The following SPATA7 variants were observed in gnomAD, a reference collection of about 807,000 sequenced individuals.
SPATA7 encodes spermatogenesis associated 7.
SPATA7 carries 43 observed loss-of-function variants against 51.8 expected under a neutral mutation model. The ratio of observed to expected loss-of-function variants is 0.83; its 90% CI spans 0.65 to 1.07. SPATA7 has a LOEUF of 1.07. Among genes scored for constraint, SPATA7 ranks in the 50% least tolerant of loss-of-function variants. SPATA7 has a pLI of 0.00. For synonymous variants in SPATA7, 230 were observed against 252.8 expected, an observed-to-expected ratio of 0.91 and a Z score of 0.86; for missense variants, 683 against 701.3, an observed-to-expected ratio of 0.97 and a Z score of 0.30.
intron 4 of SPATA7, among the ~76,000 whole-genome samples, chr14:88,405,953 C>G (rs2076188957): frequency 6.6e-6 from 1 of 152,170 alleles, no homozygotes; most frequent in African/African-American, 2.4e-5. Flanking sequence ...TCAATTAAGG[C>G]AGGAATTTTT....
chr14:88,426,368 A>G lies in SPATA7; in HGVS notation c.509A>G (p.Asn170Ser), dbSNP rs780454645. ...SLHKSSKVIT[N>S]GPEKNSSSSP... Reference sequence around the variant, plus strand: ...CATAAATCCAGTAAAGTCATCACAAATGGTCCTGAGAAGAACTCCAGTTCC... The same window carrying G: ...CATAAATCCAGTAAAGTCATCACAAGTGGTCCTGAGAAGAACTCCAGTTCC... Residue 170 changes from asparagine (N) to serine (S), a missense_variant, in exon 6 of 12, where the codon AAT (asparagine) becomes AGT (serine). Asn to Ser is a conservative substitution (Grantham distance 46, BLOSUM62 1). Transcript: ENST00000393545. 5.0e-6 allele frequency: 8 copies of G among 1,614,160 alleles called. No homozygotes were observed. Among genetic ancestry groups the G allele is most frequent in the South Asian group, 4.4e-5 (4 of 91,074 alleles).
downstream of SPATA7, among the ~76,000 whole-genome samples, chr14:88,458,792 T>C (rs1373040941): frequency 6.6e-6 from 1 of 152,194 alleles, no homozygotes. Context: ...CTTGCTTCTC[T>C]AGTTCTTTTA....
intron 3 of SPATA7, among the ~76,000 whole-genome samples, chr14:88,443,495 ATTATAC>A (rs2077191752): frequency 6.6e-6 from 1 of 151,852 alleles, no homozygotes; most frequent in Non-Finnish European, 1.5e-5. Context: ...ATTTATTATT[ATTATAC>A]TTTAAGTTTT....
At chr14:88,398,607 T>G (rs1490668099) in intron 4 of SPATA7, among the ~76,000 whole-genome samples, 1 of 146,846 alleles carries the variant, frequency 6.8e-6, no homozygotes, top group Non-Finnish European at 1.5e-5. Context: ...TGTGCACATG[T>G]ACCCTAAAAC....
In SPATA7 at chr14:88,467,797, T is replaced by C. The variant is rs187995500; in HGVS notation, c.255-2050T>C. 3 of 237,898 alleles carry C rather than the reference T, an allele frequency of 1.3e-5. No individual in the cohort carries two copies. In the Admixed American group the frequency reaches 1.7e-4, roughly 14 times the overall value. 14.7% of individuals were successfully genotyped at this position (237,898 alleles called of 1,614,324 possible). Reference sequence around the variant, plus strand: ...TAAGATAGAAATCTATGCACTTTAATGATTGCCAGAATTGCCCAGCATAGC... The same window carrying C: ...TAAGATAGAAATCTATGCACTTTAACGATTGCCAGAATTGCCCAGCATAGC... On this transcript the variant is annotated intron_variant, in intron 4 of 4. Transcript: ENST00000556406.
intron 10 of SPATA7, among the ~76,000 whole-genome samples, chr14:88,434,687 GAAAAAA>G (rs552414869): frequency 1.8e-5 from 1 of 56,966 alleles, no homozygotes; most frequent in African/African-American, 6.4e-5. Flanking sequence ...CTCTGTCTCA[GAAAAAA>G]AAAAAAAAAG....
intron 7 of SPATA7, chr14:88,428,281 C>G (rs1240021411): frequency 6.6e-6 from 1 of 152,046 alleles, no homozygotes; most frequent in African/African-American, 2.4e-5. Flanking sequence ...GAGTTTCAGT[C>G]TTGCACTTGT....
chr14:88,459,532 G>C (rs921364890), downstream of SPATA7, among the ~76,000 whole-genome samples: 1 of 152,130 alleles, frequency 6.6e-6, no homozygotes, highest in Non-Finnish European at 1.5e-5. Flanking sequence ...CAGAGACTAG[G>C]ATTGCAACCC....
Position 88,426,325 on chromosome 14 carries a change from A to C in SPATA7, c.466A>C (p.Arg156=), listed in dbSNP as rs138633682. 5 of 1,613,954 alleles carry C rather than the reference A, an allele frequency of 3.1e-6. No homozygotes were observed. The African/African-American group carries it at 4.0e-5, about 13-fold the overall frequency. The part of the protein sequence containing the change: ...FARSLVPSSE[R]LHLSLHKSSK... ...AAGGTCACTAGTACCCTCTTCAGAG[A>C]GACTACACCTAAGTCTACATAAATC... Residue 156 remains arginine (R), a synonymous_variant, in exon 6 of 12, where the codon AGA becomes CGA. Coordinates refer to ENST00000393545, the MANE Select transcript of SPATA7 (RefSeq NM_018418.5).
In SPATA7 at chr14:88,469,852, G is replaced by T. The variant is rs1396374394; in HGVS notation, c.261G>T (p.Arg87Ser). ...CCCTGCCTTTTTCTCCACAGGTCAG[G>T]ATTCCAGATGATTAACATTAACTGT... Residue 87 changes from arginine to serine, a missense_variant, in exon 5 of 5, where the codon AGG (arginine) becomes AGT (serine). Coordinates refer to the SPATA7 transcript ENST00000556406. The surrounding 1 kb of genome is among the most constrained non-coding windows in gnomAD (Gnocchi z 4.3). 6 of 1,608,098 alleles carry T rather than the reference G, an allele frequency of 3.7e-6. No individual in the cohort carries two copies. In the African/African-American group the frequency reaches 5.3e-5, roughly 14 times the overall value.
chr14:88,442,793 C>A (rs1472093157), downstream of SPATA7, among the ~76,000 whole-genome samples: 1 of 151,934 alleles, frequency 6.6e-6, no homozygotes, highest in African/African-American at 2.4e-5. Context: ...TTAGGGTGAT[C>A]ATGGCTTCAT....
chr14:88,437,590 T>G lies in SPATA7; in HGVS notation c.1208T>G (p.Leu403Trp). ...CGACATATAAAACAAAATAAACATT[T>G]GGAGGAGGTTTGTCTTTCCTTATAA... ...FERHIKQNKH[L>W]EEEKMRHLLH... The change falls in exon 11 of 12, where the codon TTG becomes TGG. Residue 403 changes from leucine (L) to tryptophan (W), a missense_variant. Physicochemically the swap from Leu to Trp is moderately conservative, Grantham distance 61. Transcript: ENST00000393545. 6.2e-7 allele frequency: 1 copy of G among 1,609,118 alleles called. No individual in the cohort carries two copies. Among genetic ancestry groups the G allele is most frequent in the Non-Finnish European group, 8.5e-7 (1 of 1,176,688 alleles).
At chr14:88,432,128 T>TTTAATAGTTC (rs1205178315) in intron 9 of SPATA7, among the ~76,000 whole-genome samples, 1 of 152,112 alleles carries the variant, frequency 6.6e-6, no homozygotes, top group Non-Finnish European at 1.5e-5. Flanking sequence ...AATGCAGACT[T>TTTAATAGTTC]TTAATAGTTC....
chr14:88,392,912 G>C lies in SPATA7; in HGVS notation c.95-481G>C, dbSNP rs7141112. ...ATAGTTTTAGTACTTCAAAAAGAAT[G>C]TAGTAAACTGGTATGTAGATCTTGT... On this transcript the variant is annotated intron_variant, in intron 2 of 11. Coordinates refer to ENST00000393545, the MANE Select transcript of SPATA7 (RefSeq NM_018418.5). 7.5e-3 allele frequency among the ~76,000 whole-genome samples: 1,135 copies of C among 152,002 alleles called. 15 individuals are homozygous for C. Among genetic ancestry groups the C allele is most frequent in the African/African-American group, 0.026 (1,082 of 41,330 alleles).
At chr14:88,447,453 A>G (rs184854397) in intron 3 of SPATA7, among the ~76,000 whole-genome samples, 2 of 151,972 alleles carry the variant, frequency 1.3e-5, no homozygotes, top group African/African-American at 2.4e-5. Context: ...GCCAGTCTGT[A>G]TATTTTAATT....
downstream of SPATA7, among the ~76,000 whole-genome samples, chr14:88,459,873 T>C (rs1003365005): frequency 1.3e-5 from 2 of 151,148 alleles, no homozygotes; most frequent in Admixed American, 6.6e-5. Flanking sequence ...TTTCCATGTT[T>C]ACTGCTTCTT....
downstream of SPATA7, among the ~76,000 whole-genome samples, chr14:88,458,379 T>C (rs2077298062): frequency 6.6e-6 from 1 of 152,204 alleles, no homozygotes; most frequent in Non-Finnish European, 1.5e-5. Flanking sequence ...TGGTAGGCTA[T>C]TAATTATTGC....
chr14:88,418,883 T>G lies in SPATA7; in HGVS notation c.372+2039T>G, dbSNP rs111702418. ...ATCTGTTTGTTACAGATTTCTAGCC[T>G]AATTGTACTGTGATTAGGAAACATC... On this transcript the variant is annotated intron_variant, in intron 5 of 11. Transcript: ENST00000393545. Among the ~76,000 whole-genome samples the G allele has an allele frequency of 4.0e-3, 602 of 152,360 alleles. 7 individuals are homozygous for G. The highest frequency in any genetic ancestry group is 0.013 in the African/African-American group (548 of 41,576).
chr14:88,463,328 C>T (rs950562610), intron 4 of SPATA7, among the ~76,000 whole-genome samples: 2 of 152,120 alleles, frequency 1.3e-5, no homozygotes, highest in African/African-American at 2.4e-5. Context: ...ATTATAAGGC[C>T]CATTCTGTTC....
Sources: allele counts gnomAD v4.1 joint callset (sites outside exome capture counted in the v4.1 genomes callset), GRCh38; gene constraint gnomAD v4.1.1; non-coding constraint Gnocchi (gnomAD v3.1); transcripts MANE v1.5; gene names NCBI Gene and HGNC (gene_info 2026-07-23, HGNC 2026-07-21).